The following ANKS1B variants were observed in gnomAD, a reference collection of about 807,000 sequenced individuals.
The protein encoded by ANKS1B is ankyrin repeat and sterile alpha motif domain containing 1B, also known as ankyrin repeat and sterile alpha motif domain-containing protein 1B.
ANKS1B carries 36 observed loss-of-function variants against 148.3 expected under a neutral mutation model. That is an observed-to-expected ratio of 0.24 (90% confidence interval 0.19 to 0.32). The LOEUF (loss-of-function observed/expected upper bound fraction) is 0.32, where lower values mean the gene tolerates loss of function less well. Ranked by LOEUF, ANKS1B falls within the 10% of genes least tolerant of loss-of-function variation. The pLI is 1.00. For synonymous variants in ANKS1B, 542 were observed against 560.8 expected (o/e 0.97, Z 0.47); for missense variants, 1,157 against 1,542.6 (o/e 0.75, Z 4.19).
chr12:98,955,081 G>A (rs2099860089), intron 17 of ANKS1B, among the ~76,000 whole-genome samples: 1 of 152,104 alleles, frequency 6.6e-6, no homozygotes, highest in African/African-American at 2.4e-5. Flanking sequence ...GCATTAAAAT[G>A]AATGTCCTTC....
intron 17 of ANKS1B, among the ~76,000 whole-genome samples, chr12:98,974,874 C>T (rs1395683254): frequency 6.6e-6 from 1 of 151,126 alleles, no homozygotes; most frequent in African/African-American, 2.4e-5. Flanking sequence ...CCTTCCTTCC[C>T]TATCTCCATC....
At chr12:99,605,290 C>T (rs2097843707) in intron 9 of ANKS1B, among the ~76,000 whole-genome samples, 1 of 151,960 alleles carries the variant, frequency 6.6e-6, no homozygotes, top group Admixed American at 6.6e-5. Flanking sequence ...GGATAATTAG[C>T]ATATACATTA....
intron 2 of ANKS1B, 35 bp from the exon 3 acceptor site, chr12:99,812,346 T>C: frequency 6.3e-7 from 1 of 1,596,288 alleles, no homozygotes; most frequent in Non-Finnish European, 8.5e-7. Flanking sequence ...CAAAATAGGC[T>C]GAGCAAGACA....
At chr12:99,437,588 A>G (rs2095482686) in intron 11 of ANKS1B, among the ~76,000 whole-genome samples, 1 of 151,916 alleles carries the variant, frequency 6.6e-6, no homozygotes, top group African/African-American at 2.4e-5. Flanking sequence ...AAAGGAGTGT[A>G]AAAACCCATC....
rs138743096 is a variant in ANKS1B at position 99,861,932 on chromosome 12, T to G, written c.135-36543A>C. Among the ~76,000 whole-genome samples, 36 of 150,980 alleles carry G rather than the reference T, an allele frequency of 2.4e-4. 1 individual carries two copies. In the East Asian group the frequency reaches 6.6e-3, roughly 28 times the overall value. ...AAAAAATTAACACTTTTGGGGAATT[T>G]TATTGCATCCCTTTCAGTAGCCAAA... is the stretch of plus-strand genomic sequence containing the variant. On this transcript the variant is annotated intron_variant, in intron 1 of 26. Transcript: ENST00000683438.
At chr12:99,118,675 T>C (rs1303623484) in intron 15 of ANKS1B, among the ~76,000 whole-genome samples, 2 of 152,216 alleles carry the variant, frequency 1.3e-5, no homozygotes, top group East Asian at 1.9e-4. Context: ...TCAAGTACTA[T>C]GCATATTTCT....
intron 12 of ANKS1B, among the ~76,000 whole-genome samples, chr12:99,264,537 C>T (rs116600084): frequency 0.013 from 2,041 of 152,154 alleles, 51 homozygotes; most frequent in African/African-American, 0.046. Context: ...TTTCATGCAG[C>T]GTTAGTCTAC....
At chr12:99,725,495 T>G (rs993324860) in intron 8 of ANKS1B, among the ~76,000 whole-genome samples, 4 of 152,140 alleles carry the variant, frequency 2.6e-5, no homozygotes, top group Admixed American at 6.5e-5. Context: ...AGCACCCAAA[T>G]TCATAAAACA....
At chr12:99,639,061 T>A (rs951371091) in intron 9 of ANKS1B, among the ~76,000 whole-genome samples, 1 of 144,806 alleles carries the variant, frequency 6.9e-6, no homozygotes, top group African/African-American at 2.6e-5. Flanking sequence ...AAGTTTGCTC[T>A]AGGGGCAGAG....
intron 7 of ANKS1B, 80 bp downstream of exon 7, chr12:99,775,468 T>C: frequency 2.3e-6 from 2 of 883,696 alleles, no homozygotes; most frequent in Non-Finnish European, 3.7e-6. Flanking sequence ...GTATAGGATA[T>C]AACCTATTAG....
chr12:98,828,211 A>C (rs1007312451), intron 19 of ANKS1B, among the ~76,000 whole-genome samples: 4 of 152,256 alleles, frequency 2.6e-5, no homozygotes, highest in African/African-American at 9.6e-5. Context: ...AGGCATCTGC[A>C]GGCAGAATAG....
intron 12 of ANKS1B, among the ~76,000 whole-genome samples, chr12:99,354,007 T>C (rs2091727142): frequency 6.6e-6 from 1 of 152,100 alleles, no homozygotes; most frequent in African/African-American, 2.4e-5. Flanking sequence ...TAACTTGATT[T>C]CAGCTAAGCT....
chr12:99,029,805 C>G (rs950880458), intron 17 of ANKS1B, among the ~76,000 whole-genome samples: 2 of 152,214 alleles, frequency 1.3e-5, no homozygotes, highest in African/African-American at 4.8e-5. Context: ...TGTGAATAGA[C>G]CTGGGCTTGA....
intron 9 of ANKS1B, among the ~76,000 whole-genome samples, chr12:99,511,337 G>T (rs11503422): frequency 6.6e-6 from 1 of 151,780 alleles, no homozygotes; most frequent in South Asian, 2.1e-4. Context: ...GAGCAAAATG[G>T]CTAGGAATAC....
chr12:99,224,943 C>G (rs2085670417), intron 14 of ANKS1B, among the ~76,000 whole-genome samples: 1 of 152,064 alleles, frequency 6.6e-6, no homozygotes, highest in African/African-American at 2.4e-5. Flanking sequence ...TCCCTCAATT[C>G]CTGGGACTTA....
At chr12:99,492,763 G>A (rs1230437414) in intron 10 of ANKS1B, among the ~76,000 whole-genome samples, 1 of 152,138 alleles carries the variant, frequency 6.6e-6, no homozygotes, top group Non-Finnish European at 1.5e-5. Context: ...ATCAATAAAT[G>A]TGATTCATCA....
chr12:99,721,551 C>G (rs1306224022), intron 8 of ANKS1B, among the ~76,000 whole-genome samples: 2 of 152,200 alleles, frequency 1.3e-5, no homozygotes, highest in Non-Finnish European at 2.9e-5. Flanking sequence ...CCACTCCTGC[C>G]TGCCAGAGAA....
intron 26 of ANKS1B, among the ~76,000 whole-genome samples, chr12:98,749,757 T>C (rs1485526807): frequency 6.6e-6 from 1 of 152,032 alleles, no homozygotes; most frequent in Non-Finnish European, 1.5e-5. Flanking sequence ...GAGGGTGCCA[T>C]GACTGATCTC....
At chr12:98,774,165 G>T (rs113123558) in intron 24 of ANKS1B, among the ~76,000 whole-genome samples, 1 of 152,198 alleles carries the variant, frequency 6.6e-6, no homozygotes, top group Non-Finnish European at 1.5e-5. Context: ...ATAATTAGGA[G>T]GTGGTGCTGT....
Sources: allele counts gnomAD v4.1 joint callset (sites outside exome capture counted in the v4.1 genomes callset), GRCh38; gene constraint gnomAD v4.1.1; transcripts MANE v1.5; gene names NCBI Gene and HGNC (gene_info 2026-07-23, HGNC 2026-07-21).